Variants in LATS2 observed in about 807,000 individuals in gnomAD.
LATS2 encodes the protein serine/threonine-protein kinase LATS2.
In LATS2, 24 loss-of-function variants were observed where a neutral mutation model predicts 76.0. The ratio of observed to expected loss-of-function variants is 0.32; its 90% confidence interval spans 0.23 to 0.44. The LOEUF (loss-of-function observed/expected upper bound fraction) is 0.44, where lower values mean the gene tolerates loss of function less well. LATS2 is among the 20% of genes least tolerant of loss of function. The pLI, the probability that LATS2 is intolerant of heterozygous loss-of-function variation, is 1.00. For missense variants in LATS2, 1,286 were observed against 1,481.2 expected (o/e 0.87, Z 2.16); for synonymous variants, 692 against 635.4 (o/e 1.09, Z -1.34).
chr13:21,008,873 A>G (rs1229678353), intron 2 of LATS2, among the ~76,000 whole-genome samples: 1 of 152,210 alleles, frequency 6.6e-6, no homozygotes, highest in African/African-American at 2.4e-5. Flanking sequence ...AAGAGGAGAC[A>G]TAAAAAAGAA....
chr13:20,995,789 T>C (rs1015868532), intron 2 of LATS2, among the ~76,000 whole-genome samples: 23 of 152,202 alleles, frequency 1.5e-4, no homozygotes, highest in African/African-American at 5.6e-4. Flanking sequence ...CGTGCCATTC[T>C]TCAGGACAGC....
chr13:20,975,170 G>C lies in LATS2; in HGVS notation c.2967C>G (p.Tyr989Ter). Residue 989 changes from tyrosine to a stop codon, truncating the protein, a stop_gained, in exon 8 of 8, where the codon TAC becomes TAG. Transcript: ENST00000382592. LOFTEE classifies it low-confidence loss of function (END_TRUNC). ...CCATGGGGTGGCTGATGGTGGGAAC[G>C]TAGGGGGCTGGCTGCTTCCGGATGT... ...SSDIRKQPAP[Y>*]VPTISHPMDT... The C allele has an allele frequency of 6.2e-7, 1 of 1,614,202 alleles. No homozygotes were observed. Among genetic ancestry groups the C allele is most frequent in the Non-Finnish European group, 8.5e-7 (1 of 1,180,018 alleles).
intron 2 of LATS2, among the ~76,000 whole-genome samples, chr13:21,009,811 G>A (rs1871510812): frequency 6.6e-6 from 1 of 152,192 alleles, no homozygotes; most frequent in Admixed American, 6.5e-5. Flanking sequence ...CCTCCCTGGA[G>A]GTCTATATGA....
At position 21,022,802 on chromosome 13, in the gene LATS2, C is replaced by T. The variant is rs1872123417; in HGVS notation, c.342+22883G>A. Among the ~76,000 whole-genome samples the T allele has an allele frequency of 2.6e-5, 4 of 151,686 alleles. No individual in the cohort carries two copies. The East Asian group carries it at 7.8e-4, about 29-fold the overall frequency. On this transcript the variant is annotated intron_variant, in intron 2 of 7. Coordinates refer to ENST00000382592, the MANE Select transcript of LATS2 (RefSeq NM_014572.3). ...AGTGGGTATAAACAGAGCTATCCAC[C>T]CTGCGAGAGAATAAAAGATCCTCAT...
At chr13:21,050,157 T>A in intron 1 of LATS2, among the ~76,000 whole-genome samples, 1 of 149,056 alleles carries the variant, frequency 6.7e-6, no homozygotes, top group African/African-American at 2.5e-5. Flanking sequence ...GATACATACA[T>A]ACATACATAC....
intron 2 of LATS2, chr13:21,038,606 A>G (rs140459517): frequency 6.6e-5 from 10 of 152,302 alleles, no homozygotes; most frequent in Middle Eastern, 3.4e-3. Context: ...AAAGTTTCCA[A>G]TTAGCAATAA....
At chr13:21,019,685 A>G (rs1871969324) in intron 2 of LATS2, among the ~76,000 whole-genome samples, 2 of 148,032 alleles carry the variant, frequency 1.4e-5, no homozygotes, top group Non-Finnish European at 3.0e-5. Flanking sequence ...AAAAAAAAAA[A>G]AAAGGCGGCT....
At chr13:20,986,439 T>C (rs1365616773) in intron 4 of LATS2, among the ~76,000 whole-genome samples, 2 of 152,146 alleles carry the variant, frequency 1.3e-5, no homozygotes, top group Admixed American at 6.5e-5. Context: ...TATTCAGCCA[T>C]AAAAAAGAAT....
chr13:20,988,172 C>G lies in LATS2; in HGVS notation c.1608G>C (p.Leu536=), dbSNP rs1476847874. The G allele has an allele frequency of 6.2e-7, 1 of 1,613,828 alleles. No individual in the cohort carries two copies. Among genetic ancestry groups the G allele is most frequent in the African/African-American group, 1.3e-5 (1 of 75,064 alleles). The change falls in exon 4 of 8, where the codon CTG becomes CTC. Residue 536 remains leucine, a synonymous_variant. Coordinates refer to ENST00000382592, the MANE Select transcript of LATS2 (RefSeq NM_014572.3). ...SKSEQYDLDS[L]CAGMEQSLRA... The stretch of plus-strand genomic sequence containing the variant: ...GGAGGCTCTGCTCCATGCCTGCGCA[C>G]AGGCTGTCCAGGTCGTACTGCTCCG...
chr13:20,981,387 A>G, intron 6 of LATS2, 79 bp downstream of exon 6: 1 of 1,348,534 alleles, frequency 7.4e-7, no homozygotes, highest in Non-Finnish European at 1.0e-6. Flanking sequence ...GGTCCTTGGA[A>G]AGCTAGAGCC....
At position 20,988,944 on chromosome 13, in the gene LATS2, G is replaced by A. The variant is rs779402447; in HGVS notation, c.836C>T (p.Thr279Met). The change falls in exon 4 of 8, where the codon ACG becomes ATG. Residue 279 changes from threonine to methionine, a missense_variant. Physicochemically the swap from Thr to Met is moderately conservative, Grantham distance 81 (BLOSUM62 -1). Transcript: ENST00000382592. The part of the protein sequence containing the change: ...VQRSPSFQSK[T>M]PPETGGYASL... ...GGCGTAACCCCCGGTCTCCGGCGGC[G>A]TCTTGCTCTGGAAGGAGGGGCTGCG... 1.4e-5 allele frequency: 22 copies of A among 1,532,616 alleles called. No homozygotes were observed. The highest frequency in any genetic ancestry group is 2.7e-5 in the African/African-American group (2 of 72,926). The allele number at this position is 1,532,616 out of a possible 1,614,324, so 94.9% of individuals were successfully genotyped here.
chr13:21,034,128 G>A (rs1264355426), intron 2 of LATS2, among the ~76,000 whole-genome samples: 2 of 152,092 alleles, frequency 1.3e-5, no homozygotes, highest in Non-Finnish European at 2.9e-5. Flanking sequence ...TACCAACCAC[G>A]GGCCAGTTAC....
chr13:21,049,245 T>C (rs1873178467), intron 1 of LATS2, among the ~76,000 whole-genome samples: 1 of 152,194 alleles, frequency 6.6e-6, no homozygotes, highest in South Asian at 2.1e-4. Context: ...ATGTTGAGTC[T>C]GGACTCAGTG....
chr13:20,987,841 T>A lies in LATS2; in HGVS notation c.1899+40A>T, dbSNP rs376467864. The A allele has an allele frequency of 2.8e-5, 44 of 1,589,822 alleles. 1 individual carries two copies. The African/African-American group carries it at 4.4e-4, about 16-fold the overall frequency. On this transcript the variant is annotated intron_variant, in intron 4 of 7. Coordinates refer to ENST00000382592, the MANE Select transcript of LATS2 (RefSeq NM_014572.3). ...GTGCTTCCTATTGCCAGTAGAGGGA[T>A]GAGCCGGGAACAAATAGTAAAAATG...
At chr13:21,008,058 C>G (rs913944564) in intron 2 of LATS2, among the ~76,000 whole-genome samples, 2 of 151,844 alleles carry the variant, frequency 1.3e-5, no homozygotes, top group Admixed American at 1.3e-4. Context: ...CGTACCCAGC[C>G]CTGACTTCTG....
At chr13:20,982,702 A>T (rs1451724909) in intron 5 of LATS2, among the ~76,000 whole-genome samples, 1 of 152,002 alleles carries the variant, frequency 6.6e-6, no homozygotes, top group African/African-American at 2.4e-5. Flanking sequence ...TGTCTTAAAA[A>T]TATAGTAGGC....
chr13:20,986,371 G>A (rs1380298029), intron 4 of LATS2, among the ~76,000 whole-genome samples: 1 of 152,188 alleles, frequency 6.6e-6, no homozygotes, highest in African/African-American at 2.4e-5. Flanking sequence ...ATCAACTGAA[G>A]TGTCCATCAA....
intron 2 of LATS2, among the ~76,000 whole-genome samples, chr13:21,019,110 T>C (rs561818818): frequency 4.6e-5 from 7 of 152,284 alleles, no homozygotes; most frequent in Non-Finnish European, 1.0e-4. Flanking sequence ...GGGAGTTCCC[T>C]AATTACTCTG....
chr13:20,998,887 C>T (rs1471249270), intron 2 of LATS2, among the ~76,000 whole-genome samples: 1 of 151,948 alleles, frequency 6.6e-6, no homozygotes, highest in East Asian at 1.9e-4. Flanking sequence ...GCACGCGGGG[C>T]GGGGGCCCTG....
Sources: gnomAD v4.1 joint callset for allele counts (sites outside exome capture counted in the v4.1 genomes callset) on GRCh38, gnomAD v4.1.1 for gene constraint, MANE v1.5 for transcripts, NCBI Gene and HGNC (gene_info 2026-07-23, HGNC 2026-07-21) for gene names.